Variants in TESK2 observed in about 807,000 individuals in gnomAD.
TESK2 encodes dual specificity testis-specific protein kinase 2.
A neutral mutation model predicts 57.1 loss-of-function variants in TESK2; 39 were observed. That is an observed-to-expected ratio of 0.68 (90% CI 0.53 to 0.89). The LOEUF is 0.89. TESK2 is among the 40% of genes least tolerant of loss of function. The pLI is 0.00. For synonymous variants in TESK2, 249 were observed against 267.9 expected (o/e 0.93, Z 0.69); for missense variants, 646 against 732.1 (o/e 0.88, Z 1.36).
At chr1:45,413,417 C>T (rs6690821) in intron 3 of TESK2, among the ~76,000 whole-genome samples, 39,832 of 151,704 alleles carry the variant, frequency 0.26, 5,321 homozygotes, top group East Asian at 0.36. Context: ...AGGTTCAGCT[C>T]ACTCACTCCT....
At chr1:45,407,233 T>C (rs1649883154) in intron 3 of TESK2, among the ~76,000 whole-genome samples, 1 of 127,020 alleles carries the variant, frequency 7.9e-6, no homozygotes, top group Non-Finnish European at 1.7e-5. Context: ...CCACAGGTGG[T>C]GGCCCCACAA....
At chr1:45,413,826 A>G (rs766399077) in intron 3 of TESK2, 2 of 456,108 alleles carry the variant, frequency 4.4e-6, no homozygotes, top group Non-Finnish European at 8.8e-6. Context: ...CCCAATGTAG[A>G]TCTAATCTCA....
At chr1:45,484,336 T>C (rs1352424178) in intron 1 of TESK2, among the ~76,000 whole-genome samples, 1 of 150,160 alleles carries the variant, frequency 6.7e-6, no homozygotes, top group Non-Finnish European at 1.5e-5. Flanking sequence ...CTCAAACTCC[T>C]GACCTCAGGT....
Position 45,457,800 on chromosome 1 carries a change from CT to C in TESK2, c.-16del, listed in dbSNP as rs1288835078. 6.2e-7 allele frequency: 1 copy of C among 1,606,048 alleles called. No individual in the cohort carries two copies. Among genetic ancestry groups the C allele is most frequent in the East Asian group, 2.2e-5 (1 of 44,784 alleles). On this transcript the variant is annotated 5_prime_UTR_variant, in exon 2 of 11. Coordinates refer to ENST00000372086, the MANE Select transcript of TESK2 (RefSeq NM_007170.3). ...CTCCGATCCATAGTCTAAATAATCA[CT>C]TTTTTCTTCTTTTAAGAAGGAACTC...
chr1:45,386,906 C>G (rs2149275277), intron 3 of TESK2, among the ~76,000 whole-genome samples: 1 of 152,304 alleles, frequency 6.6e-6, no homozygotes, highest in East Asian at 1.9e-4. Context: ...CCCGCCTCGG[C>G]CTCCCAAAGT....
chr1:45,390,291 ATTTTTT>A (rs1240276535), intron 3 of TESK2, among the ~76,000 whole-genome samples: 9 of 152,006 alleles, frequency 5.9e-5, no homozygotes, highest in Non-Finnish European at 1.0e-4. Context: ...TAATAATTGT[ATTTTTT>A]ATACAAAAAA....
At chr1:45,441,130 A>G (rs1004113390) in intron 2 of TESK2, among the ~76,000 whole-genome samples, 2 of 152,034 alleles carry the variant, frequency 1.3e-5, no homozygotes, top group African/African-American at 4.8e-5. Context: ...TTAAATCACT[A>G]CATTTGTGGT....
At chr1:45,462,466 G>A (rs1652374084) in intron 1 of TESK2, among the ~76,000 whole-genome samples, 1 of 151,994 alleles carries the variant, frequency 6.6e-6, no homozygotes, top group African/African-American at 2.4e-5. Flanking sequence ...TAGAGACGAG[G>A]TTTCACCGTG....
chr1:45,347,723 C>T (rs1200368619), intron 6 of TESK2, 30 bp from the exon 7 acceptor site: 1 of 1,609,004 alleles, frequency 6.2e-7, no homozygotes, highest in Non-Finnish European at 8.5e-7. Flanking sequence ...AGAAAATGAG[C>T]TTGCCAATGG....
At chr1:45,385,522 A>C (rs2149274679) in intron 4 of TESK2, among the ~76,000 whole-genome samples, 1 of 152,280 alleles carries the variant, frequency 6.6e-6, no homozygotes, top group Middle Eastern at 3.4e-3. Context: ...TTTGCAGTCA[A>C]GTGCTGTCAT....
At chr1:45,350,146 T>C (rs932685702) in intron 5 of TESK2, among the ~76,000 whole-genome samples, 1 of 151,816 alleles carries the variant, frequency 6.6e-6, no homozygotes, top group Non-Finnish European at 1.5e-5. Flanking sequence ...TCTCAAAAAT[T>C]AAAATTAAAA....
intron 3 of TESK2, among the ~76,000 whole-genome samples, chr1:45,414,306 A>G (rs1296907322): frequency 6.6e-6 from 1 of 152,198 alleles, no homozygotes; most frequent in African/African-American, 2.4e-5. Flanking sequence ...CTTATGCAGA[A>G]CAAAAATGGT....
chr1:45,427,384 T>C (rs1412935998), intron 2 of TESK2, among the ~76,000 whole-genome samples: 4 of 152,084 alleles, frequency 2.6e-5, no homozygotes, highest in Non-Finnish European at 5.9e-5. Flanking sequence ...AGAGCTACCA[T>C]ATGATCCAGC....
In TESK2 at chr1:45,347,093, T is replaced by C. The variant is rs527648669; in HGVS notation, c.709-31A>G. ...GGGTAGTCGGACTTTGGTTTCCCTCTTAATGGGTTGAGGGGTAGGGTATCT... is the reference window on the plus strand; with the variant it reads ...GGGTAGTCGGACTTTGGTTTCCCTCCTAATGGGTTGAGGGGTAGGGTATCT... On this transcript the variant is annotated intron_variant, in intron 7 of 10. Transcript: ENST00000372086. 4.9e-5 allele frequency: 78 copies of C among 1,603,554 alleles called. 1 individual carries two copies. The South Asian group carries it at 8.4e-4, about 17-fold the overall frequency.
intron 1 of TESK2, among the ~76,000 whole-genome samples, chr1:45,472,618 G>A (rs1652815698): frequency 2.0e-5 from 3 of 150,838 alleles, no homozygotes; most frequent in South Asian, 2.1e-4. Context: ...GTACCCAGAT[G>A]ACTCCAAGTT....
intron 3 of TESK2, chr1:45,414,996 C>T: frequency 1.3e-6 from 1 of 768,092 alleles, no homozygotes; most frequent in Non-Finnish European, 2.2e-6. Flanking sequence ...ACTGCTGCCA[C>T]CGCCAGGAGC....
rs1368723626 is a variant in TESK2, at chr1:45,346,634, ACCAGGTGAAAAGGGTTCAG to A, written c.879+40_879+58del. On this transcript the variant is annotated intron_variant, in intron 9 of 10. Transcript: ENST00000372086. ...TTAGCAGCCTCTCTGTACAGTCCTA[ACCAGGTGAAAAGGGTTCAG>A]CCAGCCCCTGATGAAAGGCAGAGGG... 4 of 1,451,408 alleles carry A rather than the reference ACCAGGTGAAAAGGGTTCAG, an allele frequency of 2.8e-6. No individual in the cohort carries two copies. In the Admixed American group the frequency reaches 7.4e-5, roughly 27 times the overall value. The allele number at this position is 1,451,408 out of a possible 1,614,324, so 89.9% of individuals were successfully genotyped here. A position where few individuals can be genotyped will look rare whatever the true frequency, so the allele number is the denominator to read the frequency against.
At chr1:45,421,541 CAGTT>C (rs1557566303) in intron 3 of TESK2, among the ~76,000 whole-genome samples, 180 bp downstream of exon 3, 1 of 152,148 alleles carries the variant, frequency 6.6e-6, no homozygotes, top group African/African-American at 2.4e-5. Context: ...TTATTAAATG[CAGTT>C]AATTACCAAT....
intron 4 of TESK2, among the ~76,000 whole-genome samples, chr1:45,365,270 T>G (rs1390478566): frequency 1.3e-5 from 2 of 152,064 alleles, no homozygotes; most frequent in Non-Finnish European, 2.9e-5. Context: ...AGGACTGAAT[T>G]TGCCTACCGC....
Sources: gnomAD v4.1 joint callset for allele counts (sites outside exome capture counted in the v4.1 genomes callset) on GRCh38, gnomAD v4.1.1 for gene constraint, MANE v1.5 for transcripts, NCBI Gene and HGNC (gene_info 2026-07-23, HGNC 2026-07-21) for gene names.